HOOK3: variants seen among roughly 807,000 people sequenced by gnomAD.
HOOK3 encodes the protein protein Hook homolog 3.
A neutral mutation model predicts 116.3 loss-of-function variants in HOOK3; 24 were observed. That is an observed-to-expected ratio of 0.21 (90% confidence interval 0.15 to 0.29). The LOEUF (loss-of-function observed/expected upper bound fraction) is 0.29, where lower values mean the gene tolerates loss of function less well. HOOK3 is among the 10% of genes least tolerant of loss of function. The pLI is 1.00. For synonymous variants in HOOK3, 275 were observed against 283.0 expected (o/e 0.97, Z 0.28); for missense variants, 632 against 830.2 (o/e 0.76, Z 2.93).
chr8:42,981,572 A>G (rs1017044768), intron 13 of HOOK3, among the ~76,000 whole-genome samples: 30 of 152,328 alleles, frequency 2.0e-4, no homozygotes, highest in African/African-American at 7.2e-4. Context: ...ATTCAACTGT[A>G]TACAGTAGAG....
At chr8:43,011,707 C>G (rs1170284717) in intron 19 of HOOK3, among the ~76,000 whole-genome samples, 1 of 151,884 alleles carries the variant, frequency 6.6e-6, no homozygotes, top group Non-Finnish European at 1.5e-5. Flanking sequence ...GACTCCGTCT[C>G]TACAAAAAAA....
At position 43,027,747 on chromosome 8, in the gene HOOK3, C is replaced by A. The variant is rs922799675; in HGVS notation, c.*9249C>A. On this transcript the variant is annotated 3_prime_UTR_variant, in exon 22 of 22. Transcript: ENST00000307602. Reference sequence around the variant, plus strand: ...ACAAGAGTAGATTATTCAGTAGCCACATGTGACAGTTAAAATTAAGTAAAA... The same window carrying A: ...ACAAGAGTAGATTATTCAGTAGCCAAATGTGACAGTTAAAATTAAGTAAAA... 4.8e-6 allele frequency: 1 copy of A among 206,940 alleles called. No individual in the cohort carries two copies. The highest frequency in any genetic ancestry group is 2.3e-5 in the African/African-American group (1 of 43,658). The allele number at this position is 206,940 out of a possible 1,614,324, so 12.8% of individuals were successfully genotyped here.
At chr8:42,972,589 C>T (rs939388838) in intron 11 of HOOK3, among the ~76,000 whole-genome samples, 3 of 152,110 alleles carry the variant, frequency 2.0e-5, no homozygotes, top group African/African-American at 7.2e-5. Context: ...ATTGTAGAGA[C>T]TGGGTCTCAC....
At chr8:42,975,068 C>T (rs1328044850) in intron 13 of HOOK3, among the ~76,000 whole-genome samples, 5 of 152,060 alleles carry the variant, frequency 3.3e-5, no homozygotes, top group African/African-American at 9.7e-5. Flanking sequence ...GGACAAGCAG[C>T]GGGCTGGGGA....
intron 4 of HOOK3, among the ~76,000 whole-genome samples, chr8:42,939,881 G>C (rs1011897001): frequency 9.3e-5 from 14 of 150,692 alleles, no homozygotes; most frequent in Non-Finnish European, 1.2e-4. Context: ...CATCTCAGAC[G>C]ATGGGCGGCC....
At chr8:42,904,549 G>A (rs1807264642) in intron 1 of HOOK3, among the ~76,000 whole-genome samples, 1 of 151,990 alleles carries the variant, frequency 6.6e-6, no homozygotes, top group African/African-American at 2.4e-5. Context: ...CAGACCTCGT[G>A]ATCCATCCGA....
intron 17 of HOOK3, among the ~76,000 whole-genome samples, chr8:43,007,288 G>A (rs1398738662): frequency 6.6e-6 from 1 of 152,114 alleles, no homozygotes; most frequent in East Asian, 1.9e-4. Flanking sequence ...AAACCTAGGT[G>A]ACCCGGATCG....
intron 1 of HOOK3, among the ~76,000 whole-genome samples, chr8:42,897,558 C>G (rs924106006): frequency 6.6e-6 from 1 of 152,220 alleles, no homozygotes; most frequent in Non-Finnish European, 1.5e-5. Context: ...GGCCCGGCTC[C>G]GGCCCGGGAA....
At position 43,020,605 on chromosome 8, in the gene HOOK3, T is replaced by A. The variant is rs1431076839; in HGVS notation, c.*2107T>A. 2 of 174,206 alleles carry A rather than the reference T, an allele frequency of 1.1e-5. No homozygotes were observed. Among genetic ancestry groups the A allele is most frequent in the African/African-American group, 4.8e-5 (2 of 41,982 alleles). 10.8% of individuals were successfully genotyped at this position (174,206 alleles called of 1,614,324 possible). A position where few individuals can be genotyped will look rare whatever the true frequency, so the allele number is the denominator to read the frequency against. ...GGCATGTGGCTGTAATCCCAGCTACTTGGGAGGCTGAGGCAGGAGAGTCAC... is the reference window on the plus strand; with the variant it reads ...GGCATGTGGCTGTAATCCCAGCTACATGGGAGGCTGAGGCAGGAGAGTCAC... On this transcript the variant is annotated 3_prime_UTR_variant, in exon 22 of 22. Transcript: ENST00000307602.
Position 42,948,903 on chromosome 8 carries a change from T to C in HOOK3, c.401-1485T>C, listed in dbSNP as rs558101251. Among the ~76,000 whole-genome samples, 19 of 152,364 alleles carry C rather than the reference T, an allele frequency of 1.2e-4. No individual in the cohort carries two copies. The East Asian group carries it at 3.3e-3, about 26-fold the overall frequency. On this transcript the variant is annotated intron_variant, in intron 5 of 21. Coordinates refer to ENST00000307602, the MANE Select transcript of HOOK3 (RefSeq NM_032410.4). ...GTTGTGTTATGTATATTTGTACTTA[T>C]AACCAAACAATCGATTGGGTACAAG...
chr8:42,996,311 G>C (rs1232027262), intron 15 of HOOK3, among the ~76,000 whole-genome samples: 1 of 151,456 alleles, frequency 6.6e-6, no homozygotes, highest in Non-Finnish European at 1.5e-5. Context: ...GCTTGAGCCT[G>C]GGAGGCGGAG....
rs150222852 is a variant in HOOK3 at position 42,926,283 on chromosome 8, T to C, written c.216+654T>C. Among the ~76,000 whole-genome samples the C allele has an allele frequency of 3.9e-3, 594 of 152,308 alleles. 4 individuals carry two copies. The highest frequency in any genetic ancestry group is 0.013 in the African/African-American group (547 of 41,578). On this transcript the variant is annotated intron_variant, in intron 3 of 21. Transcript: ENST00000307602. ...ATCCACCAAATTATTTTTTTAACTT[T>C]ATGTTTTGTTTTTTGTTTTTTGAGA...
At chr8:43,004,440 G>A (rs1392455528) in intron 17 of HOOK3, among the ~76,000 whole-genome samples, 5 of 150,970 alleles carry the variant, frequency 3.3e-5, no homozygotes, top group African/African-American at 1.2e-4. Context: ...CAGCACTTTG[G>A]GAGGCCGAGG....
chr8:42,949,657 C>T (rs1002069253), intron 5 of HOOK3, among the ~76,000 whole-genome samples: 19 of 152,170 alleles, frequency 1.2e-4, no homozygotes, highest in African/African-American at 2.9e-4. Context: ...CGGTGGCTCA[C>T]GCCTGTAATC....
chr8:43,004,769 C>T (rs905080474), intron 17 of HOOK3, among the ~76,000 whole-genome samples: 3 of 151,578 alleles, frequency 2.0e-5, no homozygotes, highest in African/African-American at 7.3e-5. Flanking sequence ...CTGAGTATTG[C>T]CGAAGATGTT....
intron 5 of HOOK3, among the ~76,000 whole-genome samples, chr8:42,947,471 A>AG (rs1808251449): frequency 6.6e-6 from 1 of 152,212 alleles, no homozygotes; most frequent in South Asian, 2.1e-4. Context: ...CCTGTGGGAA[A>AG]GAAGATAGTC....
chr8:42,943,248 C>G, intron 4 of HOOK3, 65 bp from the exon 5 acceptor site: 2 of 1,033,560 alleles, frequency 1.9e-6, no homozygotes, highest in Non-Finnish European at 2.6e-6. Context: ...AAACCTCGAT[C>G]AAGTTTTTTT....
rs755158584 is a variant in HOOK3, at chr8:42,973,432, G to T, written c.1233+33G>T. On this transcript the variant is annotated intron_variant, in intron 12 of 21. Transcript: ENST00000307602. The stretch of plus-strand genomic sequence containing the variant: ...TATATATTAGGCATTTTGGTTTTGA[G>T]CACTGCTAAAATTAAGGCGATTATG... 26 of 1,410,200 alleles carry T rather than the reference G, an allele frequency of 1.8e-5. 1 individual carries two copies. The South Asian group carries it at 3.0e-4, about 16-fold the overall frequency. The allele number at this position is 1,410,200 out of a possible 1,614,324, so 87.4% of individuals were successfully genotyped here.
chr8:43,019,009 T>C lies in HOOK3; in HGVS notation c.*511T>C, dbSNP rs938132846. The C allele has an allele frequency of 3.4e-5, 7 of 208,124 alleles. No homozygotes were observed. Among genetic ancestry groups the C allele is most frequent in the African/African-American group, 1.6e-4 (7 of 44,016 alleles). 12.9% of individuals were successfully genotyped at this position (208,124 alleles called of 1,614,324 possible). A position where few individuals can be genotyped will look rare whatever the true frequency, so the allele number is the denominator to read the frequency against. On this transcript the variant is annotated 3_prime_UTR_variant, in exon 22 of 22. Coordinates refer to ENST00000307602, the MANE Select transcript of HOOK3 (RefSeq NM_032410.4). ...CAAAATGGTTGACAAGTGTTCTTTT[T>C]GCAAAGACTTGAATACATTGGCAGA...
Sources: gnomAD v4.1 joint callset for allele counts (sites outside exome capture counted in the v4.1 genomes callset) on GRCh38, gnomAD v4.1.1 for gene constraint, MANE v1.5 for transcripts, NCBI Gene and HGNC (gene_info 2026-07-23, HGNC 2026-07-21) for gene names.